PAK3: variants seen among roughly 807,000 people sequenced by gnomAD.
The protein encoded by PAK3 is p21 (RAC1) activated kinase 3, also known as serine/threonine-protein kinase PAK 3.
A neutral mutation model predicts 41.0 loss-of-function variants in PAK3; 4 were observed. That is an observed-to-expected ratio of 0.10 (90% CI 0.05 to 0.22). The LOEUF is 0.22. Among genes scored for constraint, PAK3 ranks in the 10% least tolerant of loss-of-function variants. PAK3 has a pLI of 1.00. For missense variants in PAK3, 205 were observed against 409.9 expected, an observed-to-expected ratio of 0.50 and a Z score of 4.32; for synonymous variants, 146 against 139.6, an observed-to-expected ratio of 1.05 and a Z score of -0.32.
chrX:111,218,720 G>A (rs950566898), intron 17 of PAK3, among the ~76,000 whole-genome samples: 1 of 111,582 alleles, frequency 9.0e-6, no homozygotes, highest in South Asian at 3.8e-4. Context: ...GCTGTAGGCA[G>A]TGGGGAAACA....
intron 1 of PAK3, among the ~76,000 whole-genome samples, chrX:111,015,547 C>G (rs903642542): frequency 9.0e-6 from 1 of 111,417 alleles, no homozygotes; most frequent in Non-Finnish European, 1.9e-5. Context: ...GTGGCTGCAC[C>G]ATTTTACATC....
intron 1 of PAK3, among the ~76,000 whole-genome samples, chrX:110,978,468 T>C (rs1207385896): frequency 2.7e-5 from 3 of 111,204 alleles, no homozygotes; most frequent in Non-Finnish European, 5.7e-5. Flanking sequence ...ATTTAACCTA[T>C]TGATATGGTG....
At chrX:111,130,996 C>T (rs2093708794) in intron 5 of PAK3, among the ~76,000 whole-genome samples, 1 of 111,686 alleles carries the variant, frequency 9.0e-6, no homozygotes, top group Non-Finnish European at 1.9e-5. Flanking sequence ...TTTGGATCCC[C>T]CAACTCCTAG....
chrX:111,105,275 T>TCA (rs923837889), intron 4 of PAK3, among the ~76,000 whole-genome samples: 1 of 111,141 alleles, frequency 9.0e-6, no homozygotes, highest in Non-Finnish European at 1.9e-5. Flanking sequence ...TATCATATTC[T>TCA]CACACACACA....
At chrX:111,130,958 T>G (rs868821466) in intron 5 of PAK3, among the ~76,000 whole-genome samples, 33 of 111,006 alleles carry the variant, frequency 3.0e-4, no homozygotes, top group Middle Eastern at 9.3e-3. Context: ...GCTCCACTAC[T>G]TAATAACAAA....
intron 1 of PAK3, among the ~76,000 whole-genome samples, chrX:111,018,666 C>T (rs2092126591): frequency 9.0e-6 from 1 of 111,605 alleles, no homozygotes; most frequent in South Asian, 3.8e-4. Context: ...GATGTCACTA[C>T]CCAAAGTGAT....
intron 16 of PAK3, among the ~76,000 whole-genome samples, chrX:111,202,781 A>G (rs1437662752): frequency 1.8e-5 from 2 of 111,762 alleles, no homozygotes; most frequent in Non-Finnish European, 3.8e-5. Context: ...GTGAAATGTA[A>G]AAAAATGACA....
At chrX:111,075,542 A>T (rs2092777601) in intron 1 of PAK3, among the ~76,000 whole-genome samples, 1 of 112,710 alleles carries the variant, frequency 8.9e-6, no homozygotes, top group Non-Finnish European at 1.9e-5. Context: ...TTCCACCTAG[A>T]TTTCAGAGGA....
At chrX:111,178,977 A>AGAGAGAGAGAGG (rs2094435611) in intron 11 of PAK3, among the ~76,000 whole-genome samples, 1 of 89,190 alleles carries the variant, frequency 1.1e-5, no homozygotes, top group African/African-American at 6.5e-5. Context: ...ATATATATAT[A>AGAGAGAGAGAGG]TATAGAGAGA....
chrX:111,169,484 A>C (rs1187412515), intron 10 of PAK3: 1 of 113,442 alleles, frequency 8.8e-6, no homozygotes, highest in Non-Finnish European at 1.8e-5. Context: ...AAGTACAGAG[A>C]GAGAGAGAAC....
chrX:111,131,197 T>G lies in PAK3; in HGVS notation c.175+7919T>G, dbSNP rs760431861. ...TTTTCCTCCTGAGGGCCTAATTTGC[T>G]AATAGGAAGTAACTAGCTTTTGTAA... On this transcript the variant is annotated intron_variant, in intron 5 of 17. Transcript: ENST00000372007. Among the ~76,000 whole-genome samples the G allele has an allele frequency of 2.7e-5, 3 of 111,597 alleles. No individual in the cohort carries two copies. In the South Asian group the frequency reaches 1.1e-3, roughly 42 times the overall value.
At chrX:111,041,105 C>A (rs2092448861) in intron 1 of PAK3, among the ~76,000 whole-genome samples, 1 of 112,762 alleles carries the variant, frequency 8.9e-6, no homozygotes, top group African/African-American at 3.2e-5. Context: ...TTGCCACTTT[C>A]TTCAAATATT....
rs939874817 is a variant in PAK3 at position 111,144,763 on chromosome X, C to G, written c.276+2567C>G. On this transcript the variant is annotated intron_variant, in intron 6 of 17. Transcript: ENST00000372007. ...TGTATACCTGGTCATACACTTGGAC[C>G]CTGAAGCTAAAAGTAGGTTGGGAGG... 4 of 472,592 alleles carry G rather than the reference C, an allele frequency of 8.5e-6. No homozygotes were observed. In the Admixed American group the frequency reaches 1.4e-4, roughly 16 times the overall value. 38.9% of individuals were successfully genotyped at this position (472,592 alleles called of 1,213,427 possible).
At chrX:111,065,017 C>G (rs1784375237) in intron 1 of PAK3, among the ~76,000 whole-genome samples, 1 of 112,176 alleles carries the variant, frequency 8.9e-6, no homozygotes, top group African/African-American at 3.2e-5. Flanking sequence ...GATAGTTCAA[C>G]TTCTTATTTT....
At chrX:111,080,018 G>A (rs1412724025) in intron 1 of PAK3, among the ~76,000 whole-genome samples, 2 of 112,217 alleles carry the variant, frequency 1.8e-5, no homozygotes, top group African/African-American at 3.2e-5. Context: ...TGCTTCTTAT[G>A]GATGAGCAAA....
rs2094930169 is a variant in PAK3 at position 111,221,959 on chromosome X, A to G, written c.*1512A>G. ...CTACTATTTCACCATATATCTATTTATTAAAAAATTCAACAGTTGGCACTT... is the reference window on the plus strand; with the variant it reads ...CTACTATTTCACCATATATCTATTTGTTAAAAAATTCAACAGTTGGCACTT... On this transcript the variant is annotated 3_prime_UTR_variant, in exon 18 of 18. Transcript: ENST00000372007. 1 of 112,255 alleles carries G rather than the reference A, an allele frequency of 8.9e-6. No homozygotes were observed. Among genetic ancestry groups the G allele is most frequent in the African/African-American group, 3.2e-5 (1 of 30,917 alleles). 9.3% of individuals were successfully genotyped at this position (112,255 alleles called of 1,213,427 possible).
At chrX:110,964,895 C>CTGGCTGGT (rs1181229307) in intron 1 of PAK3, among the ~76,000 whole-genome samples, 4 of 111,446 alleles carry the variant, frequency 3.6e-5, no homozygotes, top group African/African-American at 1.3e-4. Flanking sequence ...GGCTGGCTGG[C>CTGGCTGGT]TGGCTGGTTG....
chrX:110,976,640 C>G (rs2091336385), intron 1 of PAK3, among the ~76,000 whole-genome samples: 1 of 111,891 alleles, frequency 8.9e-6, no homozygotes, highest in East Asian at 2.8e-4. Context: ...AATCATGCTA[C>G]TATAAAGACA....
chrX:111,005,178 AC>A (rs1179321506), intron 1 of PAK3, among the ~76,000 whole-genome samples: 1 of 111,439 alleles, frequency 9.0e-6, no homozygotes, highest in African/African-American at 3.3e-5. Flanking sequence ...CCTCTAACAG[AC>A]CCTTTGTAAA....
Sources: gnomAD v4.1 joint callset for allele counts (sites outside exome capture counted in the v4.1 genomes callset) on GRCh38, gnomAD v4.1.1 for gene constraint, MANE v1.5 for transcripts, NCBI Gene and HGNC (gene_info 2026-07-23, HGNC 2026-07-21) for gene names.